The following FGF14 variants were observed in gnomAD, a reference collection of about 807,000 sequenced individuals.
The protein encoded by FGF14 is fibroblast growth factor homologous factor 4.
A neutral mutation model predicts 25.5 loss-of-function variants in FGF14; 5 were observed. The observed-to-expected ratio is 0.20, with a 90% CI of 0.10 to 0.41. The LOEUF (loss-of-function observed/expected upper bound fraction) is 0.41, where lower values mean the gene tolerates loss of function less well. FGF14 is among the 10% of genes least tolerant of loss of function. The probability of loss-of-function intolerance (pLI) is 1.00; values close to 1 mark genes in which losing one functional copy is unlikely to be tolerated. For synonymous variants in FGF14, 138 were observed against 118.3 expected (o/e 1.17, Z -1.08); for missense variants, 222 against 320.1 (o/e 0.69, Z 2.34).
chr13:101,736,374 AAAGC>A (rs1438818738), intron 3 of FGF14, among the ~76,000 whole-genome samples: 1 of 152,218 alleles, frequency 6.6e-6, no homozygotes, highest in African/African-American at 2.4e-5. Context: ...CCTCTGCAAT[AAAGC>A]AAGTACAGAA....
At chr13:102,378,801 A>T (rs976691438) in intron 1 of FGF14, among the ~76,000 whole-genome samples, 8 of 151,964 alleles carry the variant, frequency 5.3e-5, no homozygotes, top group East Asian at 1.9e-4. Context: ...CTTTATCAAT[A>T]AAAAAAAGCA....
At chr13:101,814,261 G>A (rs2041720793) in intron 3 of FGF14, among the ~76,000 whole-genome samples, 1 of 152,136 alleles carries the variant, frequency 6.6e-6, no homozygotes. Context: ...TGCACATTCA[G>A]GTTTAAGAAA....
At chr13:101,811,265 A>G (rs1325238379) in intron 3 of FGF14, among the ~76,000 whole-genome samples, 2 of 152,036 alleles carry the variant, frequency 1.3e-5, no homozygotes, top group Non-Finnish European at 2.9e-5. Context: ...TGCTCCACCA[A>G]TTTATTTCTC....
chr13:102,100,538 G>C (rs1035319083), intron 1 of FGF14, among the ~76,000 whole-genome samples: 1 of 152,182 alleles, frequency 6.6e-6, no homozygotes, highest in Non-Finnish European at 1.5e-5. Flanking sequence ...AGTGATATCA[G>C]TGACCAATGA....
intron 3 of FGF14, among the ~76,000 whole-genome samples, chr13:101,783,064 C>T (rs2140039740): frequency 6.6e-6 from 1 of 152,252 alleles, no homozygotes; most frequent in African/African-American, 2.4e-5. Context: ...TTAGTAATAG[C>T]CACTCTGACT....
chr13:101,942,838 A>C (rs996008265), intron 1 of FGF14, among the ~76,000 whole-genome samples: 1 of 152,222 alleles, frequency 6.6e-6, no homozygotes, highest in African/African-American at 2.4e-5. Context: ...TTAATTGTTT[A>C]ATCTCTAGCC....
At chr13:102,031,545 C>T (rs2041209546) in intron 1 of FGF14, among the ~76,000 whole-genome samples, 1 of 151,996 alleles carries the variant, frequency 6.6e-6, no homozygotes. Flanking sequence ...ACATTCCACT[C>T]TCATTATCAT....
intron 1 of FGF14, among the ~76,000 whole-genome samples, chr13:102,078,270 A>G (rs1566656676): frequency 1.3e-5 from 2 of 152,338 alleles, no homozygotes; most frequent in East Asian, 3.9e-4. Flanking sequence ...AAATTTCAAA[A>G]TATTTTAAGA....
chr13:101,970,258 G>A (rs2037510560), intron 1 of FGF14, among the ~76,000 whole-genome samples: 1 of 138,902 alleles, frequency 7.2e-6, no homozygotes, highest in East Asian at 3.3e-4. Flanking sequence ...CAGTACAACA[G>A]GAAACATTTA....
intron 1 of FGF14, among the ~76,000 whole-genome samples, chr13:102,138,166 G>A (rs2046494410): frequency 1.4e-5 from 2 of 140,964 alleles, no homozygotes; most frequent in South Asian, 2.5e-4. Context: ...TTACCCACTT[G>A]AAGGATGTGA....
intron 1 of FGF14, among the ~76,000 whole-genome samples, chr13:102,171,550 A>G (rs1555371654): frequency 6.6e-6 from 1 of 152,210 alleles, no homozygotes; most frequent in Non-Finnish European, 1.5e-5. Context: ...ATGAATAAAT[A>G]GAAGAAAATA....
intron 3 of FGF14, among the ~76,000 whole-genome samples, chr13:101,745,491 C>T (rs2036829337): frequency 6.6e-6 from 1 of 152,024 alleles, no homozygotes; most frequent in Non-Finnish European, 1.5e-5. Context: ...TAAAAAATAT[C>T]TGTGTCCCAC....
chr13:102,325,774 G>C (rs1339920389), intron 1 of FGF14, among the ~76,000 whole-genome samples: 1 of 151,960 alleles, frequency 6.6e-6, no homozygotes, highest in Non-Finnish European at 1.5e-5. Flanking sequence ...GTTTCCTCCT[G>C]CCTAGTCCAA....
intron 1 of FGF14, among the ~76,000 whole-genome samples, chr13:101,981,715 A>G (rs1482871586): frequency 1.3e-5 from 2 of 152,172 alleles, no homozygotes; most frequent in Non-Finnish European, 2.9e-5. Flanking sequence ...AATATAAACC[A>G]TTGATTCTCA....
chr13:101,976,370 A>G (rs1464188849), intron 1 of FGF14, among the ~76,000 whole-genome samples: 1 of 152,202 alleles, frequency 6.6e-6, no homozygotes, highest in African/African-American at 2.4e-5. Flanking sequence ...TTAGTAGCCC[A>G]TTGAAAAAAA....
chr13:101,984,496 G>C lies in FGF14; in HGVS notation c.209-109200C>G, dbSNP rs571953684. ...TTACTCTTCTTTGAAAGTTGTTCAT[G>C]TATAAGTGAATAAAATATATTTTAC... On this transcript the variant is annotated intron_variant, in intron 1 of 4. Transcript: ENST00000376131. Among the ~76,000 whole-genome samples the C allele has an allele frequency of 3.3e-5, 5 of 152,168 alleles. No homozygotes were observed. In the East Asian group the frequency reaches 5.8e-4, roughly 18 times the overall value.
At chr13:102,195,814 A>C (rs9585871) in intron 1 of FGF14, among the ~76,000 whole-genome samples, 22,705 of 150,286 alleles carry the variant, frequency 0.15, 2,150 homozygotes, top group African/African-American at 0.26. Context: ...AAAAAACTCA[A>C]ATCAAAACAA....
In FGF14 at chr13:102,204,533, C is replaced by CTTTTA. The variant is rs554070734; in HGVS notation, c.208+196933_208+196937dup. Among the ~76,000 whole-genome samples, 859 of 152,028 alleles carry CTTTTA rather than the reference C, an allele frequency of 5.7e-3. 6 individuals are homozygous for CTTTTA. Among genetic ancestry groups the CTTTTA allele is most frequent in the South Asian group, 0.045 (217 of 4,800 alleles). On this transcript the variant is annotated intron_variant, in intron 1 of 4. Transcript: ENST00000376131. ...TTTTTATTTAATTTGGGGCAAGCAT[C>CTTTTA]TTTTATTTTATTTTATTTTATTTTA...
intron 3 of FGF14, among the ~76,000 whole-genome samples, chr13:101,727,911 A>G (rs534122610): frequency 9.3e-4 from 141 of 152,260 alleles, no homozygotes; most frequent in Non-Finnish European, 1.6e-3. Context: ...AAAAATATAC[A>G]CAAAGTTTTC....
Sources: allele counts gnomAD v4.1 joint callset (sites outside exome capture counted in the v4.1 genomes callset), GRCh38; gene constraint gnomAD v4.1.1; transcripts MANE v1.5; gene names NCBI Gene and HGNC (gene_info 2026-07-23, HGNC 2026-07-21).